The following CACYBP variants were observed in gnomAD, a reference collection of about 807,000 sequenced individuals.
CACYBP encodes the protein calcyclin binding protein.
Under a neutral mutation model 29.6 loss-of-function variants are expected in CACYBP, and 11 were observed. That is an observed-to-expected ratio of 0.37 (90% CI 0.23 to 0.61). CACYBP has a LOEUF of 0.61. CACYBP is among the 20% of genes least tolerant of loss of function. The pLI is 0.65. For synonymous variants in CACYBP, 73 were observed against 88.3 expected (o/e 0.83, Z 0.97); for missense variants, 163 against 260.7 (o/e 0.63, Z 2.58).
At chr1:175,009,310 A>T (rs1574111466) in intron 5 of CACYBP, among the ~76,000 whole-genome samples, 1 of 152,322 alleles carries the variant, frequency 6.6e-6, no homozygotes, top group East Asian at 1.9e-4. Context: ...CTTTTAAAAA[A>T]TGAAAACAAG....
rs748470625 is a variant in CACYBP at position 175,007,207 on chromosome 1, C to CT, written c.432+17dup. On this transcript the variant is annotated intron_variant, in intron 4 of 5. Coordinates refer to ENST00000367679, the MANE Select transcript of CACYBP (RefSeq NM_014412.3). ...AGGCAGTTCAAAAAAAGTGAGTGTGCTTTTTTTGATTGTAATATTGTGAAA... is the reference window on the plus strand; with the variant it reads ...AGGCAGTTCAAAAAAAGTGAGTGTGCTTTTTTTTGATTGTAATATTGTGAAA... The CT allele has an allele frequency of 5.2e-6, 8 of 1,535,664 alleles. No individual in the cohort carries two copies. The highest frequency in any genetic ancestry group is 1.7e-5 in the Admixed American group (1 of 58,594).
At chr1:175,008,085 AC>A (rs1353826997) in intron 4 of CACYBP, among the ~76,000 whole-genome samples, 1 of 152,124 alleles carries the variant, frequency 6.6e-6, no homozygotes, top group Non-Finnish European at 1.5e-5. Context: ...TGTTTAAAAG[AC>A]CTGTACATTG....
At chr1:175,003,365 C>A (rs548245096) in intron 1 of CACYBP, among the ~76,000 whole-genome samples, 1 of 152,136 alleles carries the variant, frequency 6.6e-6, no homozygotes, top group Admixed American at 6.5e-5. Context: ...GTGATCCACC[C>A]GCTTTGGCCT....
At chr1:175,000,462 G>A (rs1056130027) in intron 1 of CACYBP, 7 of 1,362,468 alleles carry the variant, frequency 5.1e-6, no homozygotes, top group Non-Finnish European at 6.6e-6. Flanking sequence ...TGCGGGGAGT[G>A]GGTCTGGGAG....
rs200258548 is a variant in CACYBP at position 175,007,118 on chromosome 1, A to G, written c.353A>G (p.Lys118Arg). ...FTERSFDLLV[K>R]NLNGKSYSMI... ...TGCAGGTCATTTGATCTTTTGGTAAAGAATCTAAATGGGAAGAGTTACTCC... is the reference window on the plus strand; with the variant it reads ...TGCAGGTCATTTGATCTTTTGGTAAGGAATCTAAATGGGAAGAGTTACTCC... Residue 118 changes from lysine (K) to arginine (R), a missense_variant, in exon 4 of 6, where the codon AAG (lysine) becomes AGG (arginine). Coordinates refer to ENST00000367679, the MANE Select transcript of CACYBP (RefSeq NM_014412.3). 1.2e-6 allele frequency: 2 copies of G among 1,607,276 alleles called. No individual in the cohort carries two copies. Among genetic ancestry groups the G allele is most frequent in the South Asian group, 1.1e-5 (1 of 90,812 alleles).
intron 2 of CACYBP, 187 bp from the exon 3 acceptor site, chr1:175,006,558 A>G (rs1241217878): frequency 2.2e-6 from 1 of 446,370 alleles, no homozygotes; most frequent in Non-Finnish European, 4.0e-6. Flanking sequence ...AGCTTTGGGT[A>G]GAGTACTTAA....
rs1292424003 is a variant in CACYBP at position 175,011,232 on chromosome 1, T to G, written c.*1153T>G. 1.3e-5 allele frequency: 2 copies of G among 152,004 alleles called. No homozygotes were observed. Among genetic ancestry groups the G allele is most frequent in the Non-Finnish European group, 2.9e-5 (2 of 68,022 alleles). 9.4% of individuals were successfully genotyped at this position (152,004 alleles called of 1,614,324 possible). On this transcript the variant is annotated 3_prime_UTR_variant, in exon 6 of 6. Transcript: ENST00000367679. ...TAGGATTTAAAATACAGAAACAGTTTATGTATAGGATAGCTATAAGTAAAT... is the reference window on the plus strand; with the variant it reads ...TAGGATTTAAAATACAGAAACAGTTGATGTATAGGATAGCTATAAGTAAAT...
At chr1:174,999,829 C>T (rs1016027683), upstream of CACYBP, 2 of 445,570 alleles carry the variant, frequency 4.5e-6, no homozygotes, top group Non-Finnish European at 8.1e-6. Context: ...TGCCGGTTCG[C>T]TCGCGAGACT....
chr1:175,008,223 C>T (rs1046097242), intron 4 of CACYBP, among the ~76,000 whole-genome samples: 2 of 152,096 alleles, frequency 1.3e-5, no homozygotes, highest in African/African-American at 2.4e-5. Flanking sequence ...CCAGCCACTC[C>T]TCCTGCTCCT....
rs1672628297 is a variant in CACYBP, at chr1:175,006,746, A to T, written c.237A>T (p.Gly79=). 1 of 1,567,044 alleles carries T rather than the reference A, an allele frequency of 6.4e-7. No individual in the cohort carries two copies. Among genetic ancestry groups the T allele is most frequent in the African/African-American group, 1.4e-5 (1 of 73,832 alleles). ...TGYTVKISNY[G]WDQSDKFVKI... is the part of the protein sequence containing the mutation. ...CCCATCTTTTGTTGTCGTTGCCAGGATGGGATCAGTCAGATAAGTTTGTGA... is the reference window on the plus strand; with the variant it reads ...CCCATCTTTTGTTGTCGTTGCCAGGTTGGGATCAGTCAGATAAGTTTGTGA... Residue 79 remains glycine, a splice_region_variant and synonymous_variant, in exon 3 of 6, where the codon GGA becomes GGT. Coordinates refer to ENST00000367679, the MANE Select transcript of CACYBP (RefSeq NM_014412.3).
At chr1:175,006,710 C>G (rs747961374) in intron 2 of CACYBP, 35 bp from the exon 3 acceptor site, 13 of 1,060,444 alleles carry the variant, frequency 1.2e-5, no homozygotes, top group Non-Finnish European at 1.9e-5. Context: ...GTTTCAGAGG[C>G]TTACTTACGT....
intron 1 of CACYBP, 73 bp downstream of exon 1, chr1:175,000,268 G>T: frequency 6.5e-7 from 1 of 1,548,210 alleles, no homozygotes; most frequent in Admixed American, 1.9e-5. Context: ...CCCTACCGCC[G>T]TTTCCGTGGG....
At chr1:175,000,393 G>T (rs533721425) in intron 1 of CACYBP, 198 bp downstream of exon 1, 2 of 1,413,974 alleles carry the variant, frequency 1.4e-6, no homozygotes, top group Non-Finnish European at 1.8e-6. Context: ...ACTCGACCTC[G>T]CACCCCACTC....
chr1:175,003,208 T>A (rs138933991), intron 1 of CACYBP, among the ~76,000 whole-genome samples: 2,405 of 150,948 alleles, frequency 0.016, 59 homozygotes, highest in African/African-American at 0.055. Context: ...AACCTTTGCC[T>A]CCCGGGTTCA....
At chr1:175,005,125 G>A in intron 2 of CACYBP, 1 of 377,122 alleles carries the variant, frequency 2.7e-6, no homozygotes, top group Non-Finnish European at 5.0e-6. Flanking sequence ...GGTGGTGGTG[G>A]TTTTTAATCA....
In CACYBP at chr1:175,011,940, T is replaced by C. The variant is rs1449713973; in HGVS notation, c.*1861T>C. 6.6e-6 allele frequency among the ~76,000 whole-genome samples: 1 copy of C among 152,088 alleles called. No individual in the cohort carries two copies. Among genetic ancestry groups the C allele is most frequent in the Non-Finnish European group, 1.5e-5 (1 of 68,014 alleles). On this transcript the variant is annotated 3_prime_UTR_variant, in exon 6 of 6. Coordinates refer to ENST00000367679, the MANE Select transcript of CACYBP (RefSeq NM_014412.3). ...CAACATGGTGAAACCCTGTCTCTAC[T>C]GAAAATAAAAAAAACTAGCTGGGCA...
rs1282826494 is a variant in CACYBP, at chr1:175,004,777, C to T, written c.179C>T (p.Pro60Leu). ...KKAELLDNEK[P>L]AAVVAPITTG... Reference sequence around the variant, plus strand: ...GCAGAACTTCTTGATAATGAAAAACCAGCTGCTGTGGTTGCTCCCATTACA... The same window carrying T: ...GCAGAACTTCTTGATAATGAAAAACTAGCTGCTGTGGTTGCTCCCATTACA... Residue 60 changes from proline (P) to leucine (L), a missense_variant, in exon 2 of 6, where the codon CCA becomes CTA. Coordinates refer to ENST00000367679, the MANE Select transcript of CACYBP (RefSeq NM_014412.3). 7 of 1,613,644 alleles carry T rather than the reference C, an allele frequency of 4.3e-6. No homozygotes were observed. The Admixed American group carries it at 1.0e-4, about 23-fold the overall frequency.
chr1:174,999,957 G>T lies in CACYBP; in HGVS notation c.-224G>T. The T allele has an allele frequency of 1.6e-6, 1 of 617,188 alleles. No homozygotes were observed. Among genetic ancestry groups the T allele is most frequent in the Non-Finnish European group, 2.8e-6 (1 of 362,320 alleles). 38.2% of individuals were successfully genotyped at this position (617,188 alleles called of 1,614,324 possible). On this transcript the variant is annotated 5_prime_UTR_variant, in exon 1 of 6. Transcript: ENST00000367679. ...GGTGGAGCCAGGCTTGGCGGGCTGT[G>T]CGTGCTCGCGGTGGGCGGTGGCGGC...
chr1:175,004,874 A>G, intron 2 of CACYBP, 41 bp downstream of exon 2: 1 of 1,261,690 alleles, frequency 7.9e-7, no homozygotes, highest in East Asian at 2.3e-5. Flanking sequence ...CCTCCGAGCA[A>G]CCTATTCCTC....
Sources: allele counts gnomAD v4.1 joint callset (sites outside exome capture counted in the v4.1 genomes callset), GRCh38; gene constraint gnomAD v4.1.1; transcripts MANE v1.5; gene names NCBI Gene and HGNC (gene_info 2026-07-23, HGNC 2026-07-21).